FAT4: variants seen among roughly 807,000 people sequenced by gnomAD.
The protein encoded by FAT4 is protocadherin Fat 4.
FAT4 carries 84 observed loss-of-function variants against 303.9 expected under a neutral mutation model. The ratio of observed to expected loss-of-function variants is 0.28; its 90% CI spans 0.23 to 0.33. The LOEUF (loss-of-function observed/expected upper bound fraction) is 0.33. Ranked by LOEUF, FAT4 falls within the 10% of genes least tolerant of loss-of-function variation. The pLI is 1.00. For synonymous variants in FAT4, 2,307 were observed against 2,298.8 expected (o/e 1.00, Z -0.10); for missense variants, 6,005 against 6,146.8 (o/e 0.98, Z 0.77).
intron 2 of FAT4, among the ~76,000 whole-genome samples, chr4:125,328,038 C>T (rs1489340120): frequency 3.9e-5 from 6 of 152,134 alleles, no homozygotes; most frequent in South Asian, 4.2e-4. Flanking sequence ...GGTGGTATTC[C>T]GAATTAGGCA....
chr4:125,478,128 T>A (rs1477478251), intron 14 of FAT4, among the ~76,000 whole-genome samples: 1 of 152,190 alleles, frequency 6.6e-6, no homozygotes, highest in African/African-American at 2.4e-5. Context: ...GCTCACATTA[T>A]TTTTTGGATG....
At chr4:125,483,293 CA>C (rs1216186114) in intron 16 of FAT4, among the ~76,000 whole-genome samples, 1 of 151,676 alleles carries the variant, frequency 6.6e-6, no homozygotes, top group Non-Finnish European at 1.5e-5. Context: ...AGTAAAGAAG[CA>C]AAAAAAGAAA....
chr4:125,421,880 T>G (rs1464997785), intron 7 of FAT4, among the ~76,000 whole-genome samples: 1 of 152,180 alleles, frequency 6.6e-6, no homozygotes, highest in Non-Finnish European at 1.5e-5. Context: ...ACTAAATTCT[T>G]GCTCATCCAT....
chr4:125,328,051 C>T (rs976915227), intron 2 of FAT4, among the ~76,000 whole-genome samples: 5 of 152,082 alleles, frequency 3.3e-5, no homozygotes, highest in Admixed American at 6.6e-5. Context: ...ATTAGGCACT[C>T]GTGAGTGGAA....
intron 10 of FAT4, among the ~76,000 whole-genome samples, chr4:125,461,643 G>A (rs1292231250): frequency 2.0e-5 from 3 of 151,920 alleles, no homozygotes; most frequent in Non-Finnish European, 4.4e-5. Flanking sequence ...AGAAAGGAAT[G>A]AAAGAAAGTA....
intron 2 of FAT4, among the ~76,000 whole-genome samples, chr4:125,358,358 A>G (rs1024648207): frequency 1.3e-5 from 2 of 151,976 alleles, no homozygotes; most frequent in African/African-American, 2.4e-5. Context: ...CTTTATTTCT[A>G]TTATTATTAT....
chr4:125,408,620 G>A lies in FAT4; in HGVS notation c.5746G>A (p.Val1916Ile), dbSNP rs775161862. ...AGTACAGCAATATTATATCCTCACTGTTCGAGCAGAAGATGGTGGGGGACA... is the reference window on the plus strand; with the variant it reads ...AGTACAGCAATATTATATCCTCACTATTCGAGCAGAAGATGGTGGGGGACA... ...YEVQQYYILT[V>I]RAEDGGGQFT... Residue 1916 changes from valine (V) to isoleucine (I), a missense_variant, in exon 5 of 18, where the codon GTT becomes ATT. Transcript: ENST00000394329. 2 of 1,612,556 alleles carry A rather than the reference G, an allele frequency of 1.2e-6. No individual in the cohort carries two copies. Among genetic ancestry groups the A allele is most frequent in the Admixed American group, 3.3e-5 (2 of 59,916 alleles).
rs867777241 is a variant in FAT4, at chr4:125,318,034, C to T, written c.1623C>T (p.Asp541=). The T allele has an allele frequency of 1.9e-6, 3 of 1,614,184 alleles. No homozygotes were observed. In the Middle Eastern group the frequency reaches 4.9e-4, roughly 266 times the overall value. ...CCACTGGGTCCTCTGGGGGCCTGGACCGTGAACTTGCTTCCCAGATTGTTC... is the reference window on the plus strand; with the variant it reads ...CCACTGGGTCCTCTGGGGGCCTGGATCGTGAACTTGCTTCCCAGATTGTTC... ...LVTTGSSGGL[D]RELASQIVLN... Residue 541 remains aspartate (D), a synonymous_variant, in exon 2 of 18, where the codon GAC becomes GAT. Transcript: ENST00000394329.
chr4:125,413,382 T>C (rs1398028713), intron 5 of FAT4, among the ~76,000 whole-genome samples: 1 of 151,844 alleles, frequency 6.6e-6, no homozygotes, highest in Non-Finnish European at 1.5e-5. Flanking sequence ...AATCTCTTCC[T>C]TGTTCACTTG....
chr4:125,401,344 CTTTGT>C (rs1274670596), intron 3 of FAT4, among the ~76,000 whole-genome samples: 1 of 151,668 alleles, frequency 6.6e-6, no homozygotes, highest in East Asian at 1.9e-4. Context: ...TTAGATAAAC[CTTTGT>C]TTTATTTTCT....
chr4:125,415,310 A>T lies in FAT4; in HGVS notation c.6347A>T (p.Glu2116Val). The T allele has an allele frequency of 1.2e-6, 2 of 1,614,038 alleles. No homozygotes were observed. Among genetic ancestry groups the T allele is most frequent in the Non-Finnish European group, 1.7e-6 (2 of 1,179,982 alleles). ...CTCACTGGAGAACTGGACAGAGAAG[A>T]AGTTTCTAATTATACTCTAACAGTG... Reference protein sequence around the residue: ...VRLTGELDREEVSNYTLTVVA... With the variant: ...VRLTGELDREVVSNYTLTVVA... Residue 2116 changes from glutamate (E) to valine (V), a missense_variant, in exon 6 of 18, where the codon GAA (glutamate) becomes GTA (valine). Glu to Val is a moderately radical substitution (Grantham distance 121). Coordinates refer to ENST00000394329, the MANE Select transcript of FAT4 (RefSeq NM_001291303.3).
At chr4:125,338,598 A>G (rs7659942) in intron 2 of FAT4, among the ~76,000 whole-genome samples, 18,041 of 152,202 alleles carry the variant, frequency 0.12, 1,475 homozygotes, top group Admixed American at 0.17. Context: ...GAGACTAGCA[A>G]TCTAATAGGA....
At chr4:125,378,802 T>C (rs1288360739) in intron 2 of FAT4, among the ~76,000 whole-genome samples, 2 of 152,158 alleles carry the variant, frequency 1.3e-5, no homozygotes, top group Admixed American at 6.5e-5. Context: ...ATTGCTACTA[T>C]GAAAATTAAG....
intron 2 of FAT4, among the ~76,000 whole-genome samples, chr4:125,374,308 A>G (rs1733235008): frequency 6.6e-6 from 1 of 152,182 alleles, no homozygotes; most frequent in South Asian, 2.1e-4. Context: ...TTGAAGTTGC[A>G]ACACTCCAGA....
intron 2 of FAT4, among the ~76,000 whole-genome samples, chr4:125,397,848 A>G (rs925516929): frequency 6.6e-6 from 1 of 152,142 alleles, no homozygotes; most frequent in African/African-American, 2.4e-5. Flanking sequence ...GAGTTTTTAC[A>G]GCATAATTAT....
chr4:125,468,106 G>A (rs1360057160), intron 11 of FAT4, among the ~76,000 whole-genome samples: 1 of 152,096 alleles, frequency 6.6e-6, no homozygotes, highest in African/African-American at 2.4e-5. Context: ...AGAGGTTGCA[G>A]TGAGCAGGCA....
chr4:125,464,432 A>G (rs1320928429), intron 11 of FAT4, among the ~76,000 whole-genome samples: 1 of 151,432 alleles, frequency 6.6e-6, no homozygotes, highest in Non-Finnish European at 1.5e-5. Flanking sequence ...CATTCTTTTT[A>G]AAGGCTGCTT....
At chr4:125,454,678 C>A (rs1270321969) in intron 10 of FAT4, among the ~76,000 whole-genome samples, 1 of 151,986 alleles carries the variant, frequency 6.6e-6, no homozygotes, top group East Asian at 1.9e-4. Context: ...ACTAAAAATA[C>A]AAAAATTAGC....
chr4:125,485,386 G>C lies in FAT4; in HGVS notation c.12823-1959G>C, dbSNP rs1269865153. 2.6e-5 allele frequency among the ~76,000 whole-genome samples: 4 copies of C among 151,740 alleles called. No homozygotes were observed. The East Asian group carries it at 7.7e-4, about 29-fold the overall frequency. ...CTTTCCTTATACCCTTATTCCATAAGCTTTTTTTCTATTTTAAAAGTTTTT... is the reference window on the plus strand; with the variant it reads ...CTTTCCTTATACCCTTATTCCATAACCTTTTTTTCTATTTTAAAAGTTTTT... On this transcript the variant is annotated intron_variant, in intron 16 of 17. Coordinates refer to ENST00000394329, the MANE Select transcript of FAT4 (RefSeq NM_001291303.3).
Sources: allele counts gnomAD v4.1 joint callset (sites outside exome capture counted in the v4.1 genomes callset), GRCh38; gene constraint gnomAD v4.1.1; transcripts MANE v1.5; gene names NCBI Gene and HGNC (gene_info 2026-07-23, HGNC 2026-07-21).